HEATR5B: variants seen among roughly 807,000 people sequenced by gnomAD.
HEATR5B encodes HEAT repeat-containing protein 5B.
In HEATR5B, 156 loss-of-function variants were observed where a neutral mutation model predicts 224.1. That is an observed-to-expected ratio of 0.70 (90% CI 0.61 to 0.80). The LOEUF (loss-of-function observed/expected upper bound fraction) is 0.80. Ranked by LOEUF, HEATR5B falls within the 30% of genes least tolerant of loss-of-function variation. HEATR5B has a pLI of 0.00. For missense variants in HEATR5B, 2,323 were observed against 2,535.5 expected (o/e 0.92, Z 1.80); for synonymous variants, 1,027 against 893.0 (o/e 1.15, Z -2.68).
chr2:37,048,064 T>C (rs1339177340), intron 18 of HEATR5B, among the ~76,000 whole-genome samples: 3 of 152,136 alleles, frequency 2.0e-5, no homozygotes, highest in Admixed American at 6.5e-5. Context: ...AAAAAGATAA[T>C]GAAGGCAAGC....
At chr2:37,050,156 A>G (rs62133111) in intron 17 of HEATR5B, among the ~76,000 whole-genome samples, 35,533 of 152,058 alleles carry the variant, frequency 0.23, 5,038 homozygotes, top group East Asian at 0.66. Flanking sequence ...GCCTCCTAAC[A>G]TGCTGGGATT....
At chr2:37,054,633 C>A (rs778194152) in intron 16 of HEATR5B, among the ~76,000 whole-genome samples, 1 of 151,204 alleles carries the variant, frequency 6.6e-6, no homozygotes, top group Admixed American at 6.6e-5. Flanking sequence ...TACAGGTGTT[C>A]GCCACTACAC....
chr2:37,062,464 G>A (rs939741445), intron 10 of HEATR5B, among the ~76,000 whole-genome samples: 1 of 152,098 alleles, frequency 6.6e-6, no homozygotes, highest in Admixed American at 6.6e-5. Context: ...CGTGTTATTA[G>A]CATGTTTTTG....
chr2:37,014,705 G>A (rs528141292), intron 26 of HEATR5B, among the ~76,000 whole-genome samples: 229 of 150,304 alleles, frequency 1.5e-3, no homozygotes, highest in African/African-American at 5.1e-3. Context: ...GAGGCTGGGC[G>A]CAGTGGCTTA....
intron 26 of HEATR5B, among the ~76,000 whole-genome samples, chr2:37,016,251 T>G (rs973843064): frequency 6.6e-6 from 1 of 152,020 alleles, no homozygotes; most frequent in South Asian, 2.1e-4. Context: ...TAGCTGGGAC[T>G]ACAGGCGCCT....
At chr2:37,013,295 A>G (rs1342207562) in intron 27 of HEATR5B, among the ~76,000 whole-genome samples, 1 of 152,230 alleles carries the variant, frequency 6.6e-6, no homozygotes, top group East Asian at 1.9e-4. Flanking sequence ...TTCAATAGTA[A>G]CTGGCAGAAG....
At position 37,065,852 on chromosome 2, in the gene HEATR5B, T is replaced by C. The variant is rs1469038457; in HGVS notation, c.1236A>G (p.Ala412=). The C allele has an allele frequency of 1.2e-6, 2 of 1,613,878 alleles. No individual in the cohort carries two copies. The highest frequency in any genetic ancestry group is 1.7e-4 in the Middle Eastern group (1 of 6,044). ...ENKSGAADIA[A]SQHVMVCALQ... ...GGGCACAGACCATCACATGCTGGCT[T>C]GCTGCAATGTCTGCTGCGCCAGATT... Residue 412 remains alanine (A), a synonymous_variant, in exon 9 of 36, where the codon GCA becomes GCG. Coordinates refer to ENST00000233099, the MANE Select transcript of HEATR5B (RefSeq NM_019024.3).
At chr2:37,034,760 A>G (rs1415497066) in intron 21 of HEATR5B, among the ~76,000 whole-genome samples, 9 of 151,324 alleles carry the variant, frequency 5.9e-5, no homozygotes, top group Non-Finnish European at 1.2e-4. Context: ...GTCTCATTAT[A>G]TTGCCCAGGC....
At chr2:36,999,734 C>T (rs913593817) in intron 33 of HEATR5B, among the ~76,000 whole-genome samples, 3 of 151,696 alleles carry the variant, frequency 2.0e-5, no homozygotes, top group Non-Finnish European at 4.4e-5. Flanking sequence ...ACCTCCCGGC[C>T]GGGTGCGGTA....
At chr2:37,022,856 G>A (rs1288317740) in intron 24 of HEATR5B, among the ~76,000 whole-genome samples, 10 of 152,020 alleles carry the variant, frequency 6.6e-5, no homozygotes, top group African/African-American at 2.4e-5. Flanking sequence ...AATTATTTTG[G>A]AATACATCAA....
intron 18 of HEATR5B, among the ~76,000 whole-genome samples, chr2:37,045,476 G>A (rs1001101654): frequency 1.3e-5 from 2 of 152,122 alleles, no homozygotes; most frequent in Non-Finnish European, 2.9e-5. Flanking sequence ...ATATCGTTCC[G>A]AGGGCTTCAC....
At chr2:36,992,202 CAAACAAACAAAA>C (rs1666376792) in intron 33 of HEATR5B, among the ~76,000 whole-genome samples, 1 of 150,316 alleles carries the variant, frequency 6.7e-6, no homozygotes, top group Admixed American at 6.6e-5. Flanking sequence ...AGTCTCAAAA[CAAACAAACAAAA>C]AAACAAACAA....
chr2:37,073,798 G>T (rs888988822), intron 5 of HEATR5B, among the ~76,000 whole-genome samples: 2 of 152,090 alleles, frequency 1.3e-5, no homozygotes, highest in African/African-American at 4.8e-5. Context: ...AACCTAGACT[G>T]GGCAAAACAA....
At chr2:37,006,447 G>A (rs1667421377) in intron 29 of HEATR5B, among the ~76,000 whole-genome samples, 1 of 152,206 alleles carries the variant, frequency 6.6e-6, no homozygotes, top group South Asian at 2.1e-4. Context: ...TTCGAGACCA[G>A]CCTGACCAAC....
At chr2:37,068,409 T>C (rs1671712680) in intron 8 of HEATR5B, among the ~76,000 whole-genome samples, 1 of 152,140 alleles carries the variant, frequency 6.6e-6, no homozygotes, top group Non-Finnish European at 1.5e-5. Context: ...CAGCAACCAA[T>C]GTGCTGCTGC....
intron 21 of HEATR5B, among the ~76,000 whole-genome samples, chr2:37,037,159 T>TATATATATATATATATATATATATATATA (rs1448007926): frequency 6.7e-4 from 93 of 139,230 alleles, no homozygotes; most frequent in Non-Finnish European, 1.0e-3. Flanking sequence ...TATATATATA[T>TATATATATATATATATATATATATATATA]TTTGGAGATG....
At chr2:36,995,064 A>C (rs1666598936) in intron 33 of HEATR5B, among the ~76,000 whole-genome samples, 2 of 124,944 alleles carry the variant, frequency 1.6e-5, no homozygotes, top group African/African-American at 6.4e-5. Context: ...ATTCTCAACG[A>C]TTTCTTCGTC....
intron 24 of HEATR5B, among the ~76,000 whole-genome samples, chr2:37,021,933 G>A (rs533967366): frequency 4.6e-5 from 7 of 151,224 alleles, no homozygotes; most frequent in Non-Finnish European, 8.8e-5. Flanking sequence ...GAGCCTCATA[G>A]GAATATAATA....
intron 24 of HEATR5B, among the ~76,000 whole-genome samples, chr2:37,021,835 C>T (rs1045800126): frequency 9.3e-5 from 14 of 149,932 alleles, no homozygotes; most frequent in Admixed American, 2.0e-4. Flanking sequence ...TGCAGTGAGC[C>T]GAGATCACGC....
Sources: gnomAD v4.1 joint callset for allele counts (sites outside exome capture counted in the v4.1 genomes callset) on GRCh38, gnomAD v4.1.1 for gene constraint, MANE v1.5 for transcripts, NCBI Gene and HGNC (gene_info 2026-07-23, HGNC 2026-07-21) for gene names.